Variants in HELZ2 observed in about 807,000 individuals in gnomAD.
HELZ2 encodes the protein 3'-5' exoribonuclease HELZ2.
Under a neutral mutation model 208.8 loss-of-function variants are expected in HELZ2, and 143 were observed. That is an observed-to-expected ratio of 0.68 (90% CI 0.60 to 0.79). HELZ2 has a LOEUF of 0.79. Among genes scored for constraint, HELZ2 ranks in the 30% least tolerant of loss-of-function variants. HELZ2 has a pLI of 0.00. For synonymous variants in HELZ2, 1,705 were observed against 1,693.7 expected (o/e 1.01, Z -0.16); for missense variants, 3,690 against 3,794.5 (o/e 0.97, Z 0.72).
downstream of HELZ2, chr20:63,559,120 C>T: frequency 9.3e-7 from 1 of 1,071,700 alleles, no homozygotes; most frequent in Non-Finnish European, 1.3e-6. Context: ...CTTCCTGCCC[C>T]AGGGAGATCC....
At chr20:63,562,567 C>T (rs576948811) in exon 8 of HELZ2, 28 of 1,597,520 alleles carry the variant, frequency 1.8e-5, no homozygotes, top group East Asian at 2.3e-5. Flanking sequence ...ACAGGGTGCC[C>T]GGCCTCAGCA....
At position 63,571,008 on chromosome 20, in the gene HELZ2, G is replaced by A. The variant is rs997579536; in HGVS notation, c.279-140C>T. Reference sequence around the variant, plus strand: ...GTCCCACCCACTCCTGTGCTCCCGGGACAAGGCCTGGCTCAAGCAGTTCCC... The same window carrying A: ...GTCCCACCCACTCCTGTGCTCCCGGAACAAGGCCTGGCTCAAGCAGTTCCC... On this transcript the variant is annotated intron_variant, in intron 1 of 18. Transcript: ENST00000467148. The A allele has an allele frequency of 2.0e-5, 13 of 661,854 alleles. No homozygotes were observed. The African/African-American group carries it at 2.4e-4, about 12-fold the overall frequency. The allele number at this position is 661,854 out of a possible 1,614,324, so 41.0% of individuals were successfully genotyped here.
At chr20:63,558,767 A>C (rs369875087), downstream of HELZ2, 24 of 152,620 alleles carry the variant, frequency 1.6e-4, no homozygotes, top group African/African-American at 5.5e-4. Flanking sequence ...CGAACTCCTG[A>C]CCTCAGGTGA....
chr20:63,566,086 C>T (rs746235974), exon 8 of HELZ2: 1 of 1,585,708 alleles, frequency 6.3e-7, no homozygotes, highest in South Asian at 1.1e-5. Flanking sequence ...CGGCGTCCCC[C>T]ACTACCACCA....
rs747504896 is a variant in HELZ2, at chr20:63,562,986, C to G, written c.5836G>C (p.Glu1946Gln). 3.8e-6 allele frequency: 6 copies of G among 1,597,710 alleles called. No individual in the cohort carries two copies. The South Asian group carries it at 4.5e-5, about 12-fold the overall frequency. ...GCCGACTCCAGGGCGCAGAATGGTT[C>G]CCACACGCAGGCGTACTCATCCACG... Residue 1946 changes from glutamate (E) to glutamine (Q), a missense_variant, in exon 8 of 19, where the codon GAA becomes CAA. By Grantham distance (29) the Glu-to-Gln change is conservative. Coordinates refer to ENST00000467148, the Ensembl canonical transcript of HELZ2.
At chr20:63,558,511 T>G (rs2082838917), downstream of HELZ2, 1 of 152,236 alleles carries the variant, frequency 6.6e-6, no homozygotes, top group Non-Finnish European at 1.5e-5. Flanking sequence ...TGGGCTGAGG[T>G]CTCTGTTCCA....
chr20:63,567,172 T>C, exon 6 of HELZ2: 1 of 1,609,194 alleles, frequency 6.2e-7, no homozygotes, highest in Non-Finnish European at 8.5e-7. Context: ...CGCCACCTCG[T>C]GAGTCTCCTG....
chr20:63,574,081 C>T (rs1368973962), upstream of HELZ2: 8 of 144,082 alleles, frequency 5.6e-5, no homozygotes, highest in East Asian at 1.5e-3. Flanking sequence ...ACCCCCCCCT[C>T]CGCCCCCGGC....
chr20:63,559,014 T>A, downstream of HELZ2: 1 of 480,300 alleles, frequency 2.1e-6, no homozygotes, highest in South Asian at 3.0e-5. Flanking sequence ...AGGAAGCCCC[T>A]CTTGGCCACC....
chr20:63,568,068 G>A (rs924590744), intron 5 of HELZ2: 214 of 547,904 alleles, frequency 3.9e-4, no homozygotes, highest in East Asian at 1.9e-4. Context: ...CTATAAAAAC[G>A]AAAAACAAGA....
At position 63,562,957 on chromosome 20, in the gene HELZ2, G is replaced by A. The variant is rs201232331; in HGVS notation, c.5865C>T (p.Thr1955=). Residue 1955 remains threonine (T), a synonymous_variant, in exon 8 of 19, where the codon ACC becomes ACT. Coordinates refer to ENST00000467148, the Ensembl canonical transcript of HELZ2. ...CGGAGTCATTCTCGGCAACCGCGCC[G>A]GTGGCCGACTCCAGGGCGCAGAATG... The A allele has an allele frequency of 5.5e-5, 88 of 1,590,772 alleles. 1 individual carries two copies. The highest frequency in any genetic ancestry group is 3.3e-4 in the Middle Eastern group (2 of 6,022).
chr20:63,560,518 A>G, exon 16 of HELZ2: 1 of 1,592,480 alleles, frequency 6.3e-7, no homozygotes, highest in Non-Finnish European at 8.5e-7. Flanking sequence ...TGGAGTTCTC[A>G]TTCCCTTCGT....
Position 63,569,015 on chromosome 20 carries a change from G to A in HELZ2, c.1089-16C>T. ...CAGGGTCAGCCTGGCAGGATGGCCTGGGTCAGCTCATGGGGCCACAGCTGC... is the reference window on the plus strand; with the variant it reads ...CAGGGTCAGCCTGGCAGGATGGCCTAGGTCAGCTCATGGGGCCACAGCTGC... On this transcript the variant is annotated splice_polypyrimidine_tract_variant and intron_variant, in intron 4 of 18. Coordinates refer to ENST00000467148, the Ensembl canonical transcript of HELZ2. 6.2e-7 allele frequency: 1 copy of A among 1,600,450 alleles called. No homozygotes were observed. Among genetic ancestry groups the A allele is most frequent in the South Asian group, 1.1e-5 (1 of 91,064 alleles).
chr20:63,561,776 C>T, intron 11 of HELZ2, 31 bp from the exon 13 acceptor site: 2 of 1,563,350 alleles, frequency 1.3e-6, no homozygotes, highest in Non-Finnish European at 1.7e-6. Flanking sequence ...TGAGTCCTGC[C>T]CCGCGTGCCA....
chr20:63,569,707 C>T, intron 3 of HELZ2, 42 bp from the exon 5 acceptor site: 2 of 1,461,156 alleles, frequency 1.4e-6, no homozygotes, highest in Non-Finnish European at 1.8e-6. Context: ...CAGGGCTCCC[C>T]CCAACCCTCC....
chr20:63,570,905 C>T (rs1472374631), intron 1 of HELZ2, 37 bp from the exon 3 acceptor site: 11 of 1,525,080 alleles, frequency 7.2e-6, no homozygotes, highest in African/African-American at 1.4e-5. Flanking sequence ...TACACAGAGG[C>T]ACAGCCGCCG....
exon 8 of HELZ2, chr20:63,564,391 G>A: frequency 6.5e-7 from 1 of 1,549,060 alleles, no homozygotes; most frequent in Non-Finnish European, 8.7e-7. Flanking sequence ...AGTCCAGGCG[G>A]GCCGGCAGCT....
chr20:63,563,836 C>T (rs1464765780), exon 8 of HELZ2: 6 of 1,596,650 alleles, frequency 3.8e-6, no homozygotes, highest in Middle Eastern at 3.3e-4. Context: ...CCACCTGCAG[C>T]GAGTAGTGGC....
chr20:63,562,476 G>A (rs768678641), intron 8 of HELZ2, 44 bp downstream of exon 9: 32 of 1,531,514 alleles, frequency 2.1e-5, no homozygotes, highest in East Asian at 2.4e-5. Flanking sequence ...TGAGGGGCCC[G>A]GGGCGGTCCC....
Sources: gnomAD v4.1 joint callset for allele counts on GRCh38, gnomAD v4.1.1 for gene constraint, MANE v1.5 for transcripts, NCBI Gene and HGNC (gene_info 2026-07-23, HGNC 2026-07-21) for gene names.